Variants in CLIC5 observed in about 807,000 individuals in gnomAD.
CLIC5 encodes chloride intracellular channel protein 5.
Under a neutral mutation model 24.7 loss-of-function variants are expected in CLIC5, and 20 were observed. The ratio of observed to expected loss-of-function variants is 0.81; its 90% CI spans 0.57 to 1.18. CLIC5 has a LOEUF of 1.18. Ranked by LOEUF, CLIC5 falls within the 50% of genes most tolerant of loss-of-function variation. CLIC5 has a pLI of 0.00. For synonymous variants in CLIC5, 159 were observed against 135.6 expected (o/e 1.17, Z -1.20); for missense variants, 341 against 326.1 (o/e 1.05, Z -0.35).
chr6:46,105,277 G>T, the CLIC5 span, among the ~76,000 whole-genome samples: 1 of 152,098 alleles, frequency 6.6e-6, no homozygotes, highest in Non-Finnish European at 1.5e-5. Context: ...AGAAATATCA[G>T]TTGTTTGTCA....
chr6:45,963,774 CAT>C (rs572993980), intron 1 of CLIC5, among the ~76,000 whole-genome samples: 3 of 152,100 alleles, frequency 2.0e-5, no homozygotes, highest in Non-Finnish European at 4.4e-5. Flanking sequence ...ACTGCAATGT[CAT>C]ATGTTATTCT....
chr6:46,065,707 A>G (rs1159289208), intron 1 of CLIC5, among the ~76,000 whole-genome samples: 1 of 152,224 alleles, frequency 6.6e-6, no homozygotes, highest in Non-Finnish European at 1.5e-5. Flanking sequence ...TATGTTTTAA[A>G]AGCAAAAACT....
Position 45,901,239 on chromosome 6 carries a change from G to T in CLIC5, c.*1849C>A, listed in dbSNP as rs529277466. 1.3e-5 allele frequency: 2 copies of T among 152,084 alleles called. No homozygotes were observed. The highest frequency in any genetic ancestry group is 2.4e-5 in the African/African-American group (1 of 41,416). 9.4% of individuals were successfully genotyped at this position (152,084 alleles called of 1,614,324 possible). A position where few individuals can be genotyped will look rare whatever the true frequency, so the allele number is the denominator to read the frequency against. ...ATCTCCAGGGCACAATTTCCAGGGG[G>T]ACCTGGAAAGGTTCCTTTTGAGGTG... On this transcript the variant is annotated 3_prime_UTR_variant, in exon 6 of 6. Coordinates refer to ENST00000339561, the MANE Select transcript of CLIC5 (RefSeq NM_016929.5).
rs556049168 is a variant in CLIC5, at chr6:45,933,778, G to A, written c.406+7769C>T. Among the ~76,000 whole-genome samples the A allele has an allele frequency of 1.1e-4, 17 of 152,328 alleles. No homozygotes were observed. In the South Asian group the frequency reaches 1.5e-3, roughly 13 times the overall value. The stretch of plus-strand genomic sequence containing the variant: ...GACAGAGAGGGGCAGGGAGGTTGGC[G>A]ACACACGCCTGAGGCTGCAGGGAGG... On this transcript the variant is annotated intron_variant, in intron 4 of 5. Transcript: ENST00000339561.
chr6:46,099,330 AG>A, the CLIC5 span, among the ~76,000 whole-genome samples: 7 of 152,220 alleles, frequency 4.6e-5, no homozygotes, highest in Non-Finnish European at 1.0e-4. Context: ...CTATCAATGT[AG>A]CCCCCGACTG....
chr6:46,035,807 C>A (rs369979908), intron 1 of CLIC5, among the ~76,000 whole-genome samples: 1 of 151,604 alleles, frequency 6.6e-6, no homozygotes, highest in African/African-American at 2.4e-5. Context: ...TGCAGTGGTG[C>A]GATCTCAGCT....
chr6:46,060,117 T>C (rs764312453), intron 1 of CLIC5, among the ~76,000 whole-genome samples: 5 of 152,206 alleles, frequency 3.3e-5, no homozygotes, highest in Non-Finnish European at 5.9e-5. Flanking sequence ...GACATCTTTC[T>C]AAACCAAATA....
chr6:46,121,519 T>A, the CLIC5 span, among the ~76,000 whole-genome samples: 2 of 152,228 alleles, frequency 1.3e-5, no homozygotes, highest in South Asian at 2.1e-4. Context: ...AGAAACTGCA[T>A]CAACTAACGA....
chr6:46,003,086 G>A (rs1239250645), intron 1 of CLIC5, among the ~76,000 whole-genome samples: 4 of 152,160 alleles, frequency 2.6e-5, no homozygotes, highest in African/African-American at 9.7e-5. Context: ...GACTCAGTCT[G>A]ACCTTCAGTT....
the CLIC5 span, among the ~76,000 whole-genome samples, chr6:46,112,843 G>A: frequency 3.9e-5 from 6 of 152,150 alleles, no homozygotes; most frequent in African/African-American, 1.4e-4. Flanking sequence ...GATCACCTGA[G>A]GTCAGGAGTT....
chr6:45,916,505 A>T (rs1034479965), intron 4 of CLIC5, among the ~76,000 whole-genome samples: 6 of 152,220 alleles, frequency 3.9e-5, no homozygotes, highest in African/African-American at 1.4e-4. Flanking sequence ...GGAAGAATCA[A>T]ATACTGGGCC....
intron 6 of CLIC5, among the ~76,000 whole-genome samples, chr6:45,891,669 A>G (rs968628198): frequency 1.3e-5 from 2 of 150,890 alleles, no homozygotes; most frequent in Non-Finnish European, 2.9e-5. Context: ...GTGCCATATG[A>G]TGCATGTGTA....
intron 4 of CLIC5, 74 bp from the exon 5 acceptor site, chr6:45,914,483 G>T (rs1581727006): frequency 7.1e-7 from 1 of 1,402,832 alleles, no homozygotes. Flanking sequence ...CTTCAGAGTG[G>T]AGTAGCTCAT....
intron 1 of CLIC5, among the ~76,000 whole-genome samples, chr6:46,031,295 G>A (rs952352903): frequency 6.6e-6 from 1 of 152,218 alleles, no homozygotes; most frequent in Middle Eastern, 3.4e-3. Flanking sequence ...TTTGCTGTGT[G>A]CCAACGGGTG....
chr6:45,938,327 G>A (rs1386416884), intron 4 of CLIC5, among the ~76,000 whole-genome samples: 1 of 152,190 alleles, frequency 6.6e-6, no homozygotes, highest in Non-Finnish European at 1.5e-5. Context: ...CCTTACAGGA[G>A]CCTTCACCTC....
intron 1 of CLIC5, among the ~76,000 whole-genome samples, chr6:45,993,746 C>T (rs1367332381): frequency 6.6e-6 from 1 of 152,104 alleles, no homozygotes; most frequent in African/African-American, 2.4e-5. Flanking sequence ...AAACAAGGGC[C>T]ACTAGAGTGG....
At chr6:45,955,035 A>G in intron 2 of CLIC5, 100 bp downstream of exon 2, 1 of 747,208 alleles carries the variant, frequency 1.3e-6, no homozygotes, top group South Asian at 1.7e-5. Flanking sequence ...ACGTGTGAGC[A>G]GGGGGCTGCT....
upstream of CLIC5, among the ~76,000 whole-genome samples, chr6:46,018,061 A>T (rs1366401968): frequency 1.3e-5 from 2 of 152,154 alleles, no homozygotes; most frequent in African/African-American, 4.8e-5. Flanking sequence ...TGCACCAATG[A>T]CTACATACTT....
chr6:45,977,754 C>T (rs919114132), intron 1 of CLIC5, among the ~76,000 whole-genome samples: 2 of 152,184 alleles, frequency 1.3e-5, no homozygotes, highest in African/African-American at 2.4e-5. Context: ...TTATCTGTCT[C>T]TACTTTCAAA....
Sources: gnomAD v4.1 joint callset for allele counts (sites outside exome capture counted in the v4.1 genomes callset) on GRCh38, gnomAD v4.1.1 for gene constraint, MANE v1.5 for transcripts, NCBI Gene and HGNC (gene_info 2026-07-23, HGNC 2026-07-21) for gene names.